The following TP53AIP1 variants were observed in gnomAD, a reference collection of about 807,000 sequenced individuals.
TP53AIP1 encodes p53-regulated apoptosis-inducing protein 1.
Under a neutral mutation model 9.5 loss-of-function variants are expected in TP53AIP1, and 14 were observed. That is an observed-to-expected ratio of 1.47 (90% CI 0.97 to 2.30). TP53AIP1 has a LOEUF of 2.30. TP53AIP1 is among the 30% of genes most tolerant of loss of function. The pLI is 0.00. For synonymous variants in TP53AIP1, 73 were observed against 61.2 expected, an observed-to-expected ratio of 1.19 and a Z score of -0.90; for missense variants, 153 against 146.7, an observed-to-expected ratio of 1.04 and a Z score of -0.22.
At chr11:128,942,351 G>A (rs988130911) in intron 1 of TP53AIP1, among the ~76,000 whole-genome samples, 2 of 152,202 alleles carry the variant, frequency 1.3e-5, no homozygotes, top group Admixed American at 6.5e-5. Flanking sequence ...GTTCACCAGG[G>A]GACGTGAGAA....
At chr11:128,938,825 A>G (rs1944887453) in intron 1 of TP53AIP1, among the ~76,000 whole-genome samples, 1 of 152,166 alleles carries the variant, frequency 6.6e-6, no homozygotes, top group Admixed American at 6.5e-5. Context: ...AGGCACTGAG[A>G]AAAAAGAATA....
Position 128,936,568 on chromosome 11 carries a change from A to G in TP53AIP1, c.223T>C (p.Trp75Arg), listed in dbSNP as rs1277339972. 6.3e-7 allele frequency: 1 copy of G among 1,584,386 alleles called. No individual in the cohort carries two copies. The highest frequency in any genetic ancestry group is 8.5e-7 in the Non-Finnish European group (1 of 1,173,364). The part of the protein sequence containing the change: ...IEALSVSSGS[W>R]SSATVWILTG... ...AGGATCCAGACAGTTGCTGAGGACC[A>G]AGATCCAGACGAGACTGACAGAGCT... Residue 75 changes from tryptophan to arginine, a missense_variant, in exon 3 of 4, where the codon TGG becomes CGG. Transcript: ENST00000531399.
At chr11:128,935,738 T>C (rs1260254626) in intron 3 of TP53AIP1, 26 bp from the exon 4 acceptor site, 2 of 1,532,516 alleles carry the variant, frequency 1.3e-6, no homozygotes, top group Non-Finnish European at 1.7e-6. Flanking sequence ...GAGAATTTAC[T>C]CTTTGCAAAA....
chr11:128,941,788 A>G (rs750962592), intron 1 of TP53AIP1, among the ~76,000 whole-genome samples: 1 of 152,174 alleles, frequency 6.6e-6, no homozygotes, highest in Non-Finnish European at 1.5e-5. Context: ...GCTGGGACCC[A>G]GTGGAAAGCC....
At chr11:128,935,872 AGAC>A in intron 3 of TP53AIP1, 160 bp from the exon 4 acceptor site, 1 of 1,329,660 alleles carries the variant, frequency 7.5e-7, no homozygotes, top group South Asian at 2.5e-5. Flanking sequence ...CTATCTCCCA[AGAC>A]AGGAAAAAAA....
downstream of TP53AIP1, chr11:128,934,979 G>A (rs1944781489): frequency 1.4e-6 from 1 of 702,796 alleles, no homozygotes; most frequent in Non-Finnish European, 2.6e-6. Flanking sequence ...TTGCCCTGGG[G>A]CTTTCAACTC....
chr11:128,936,357 T>C, intron 3 of TP53AIP1, 181 bp downstream of exon 3: 1 of 1,392,790 alleles, frequency 7.2e-7, no homozygotes, highest in Non-Finnish European at 9.3e-7. Flanking sequence ...AGAAATTAAA[T>C]AAAATACATC....
intron 1 of TP53AIP1, among the ~76,000 whole-genome samples, chr11:128,940,851 G>A (rs929235475): frequency 2.6e-5 from 4 of 152,214 alleles, no homozygotes; most frequent in Non-Finnish European, 5.9e-5. Context: ...TTCATGTCAG[G>A]GAGGTGCCCC....
At chr11:128,936,672 T>C in intron 2 of TP53AIP1, 23 bp from the exon 3 acceptor site, 3 of 1,560,392 alleles carry the variant, frequency 1.9e-6, no homozygotes, top group Non-Finnish European at 2.6e-6. Context: ...GGAAGCAGAC[T>C]GTGAGGCCCT....
intron 1 of TP53AIP1, among the ~76,000 whole-genome samples, chr11:128,941,876 G>A (rs886287797): frequency 3.3e-5 from 5 of 152,208 alleles, no homozygotes; most frequent in Admixed American, 2.0e-4. Context: ...GCTGTGCTGC[G>A]GAAGCAGATC....
intron 3 of TP53AIP1, chr11:128,936,276 T>C (rs1944821571): frequency 1.7e-6 from 2 of 1,211,254 alleles, no homozygotes; most frequent in Non-Finnish European, 2.1e-6. Flanking sequence ...TTCCAGAAAG[T>C]TCAGTGGGTG....
intron 3 of TP53AIP1, 56 bp from the exon 4 acceptor site, chr11:128,935,768 T>C: frequency 6.8e-7 from 1 of 1,468,864 alleles, no homozygotes; most frequent in Non-Finnish European, 9.0e-7. Context: ...TCCTTGTTAT[T>C]TACCAAATAT....
intron 2 of TP53AIP1, 98 bp from the exon 3 acceptor site, chr11:128,936,747 C>T: frequency 6.8e-7 from 1 of 1,461,038 alleles, no homozygotes; most frequent in East Asian, 2.5e-5. Context: ...TTCATGGCAT[C>T]CAGGGGCATT....
chr11:128,935,606 C>T lies in TP53AIP1; in HGVS notation c.360G>A (p.Pro120=), dbSNP rs1394010424. Residue 120 remains proline (P), a synonymous_variant, in exon 4 of 4, where the codon CCG becomes CCA. Coordinates refer to ENST00000531399, the MANE Select transcript of TP53AIP1 (RefSeq NM_022112.3). ...TGATCTCGGCTCACTGCAACCTCAA[C>T]GGTGCTTTTTTCTGATCATAGCTGA... ...FELSYDQKKA[P]LRLQ is the part of the protein sequence containing the mutation. 11 of 1,575,914 alleles carry T rather than the reference C, an allele frequency of 7.0e-6. No individual in the cohort carries two copies. Among genetic ancestry groups the T allele is most frequent in the African/African-American group, 6.7e-5 (5 of 74,510 alleles).
In TP53AIP1 at chr11:128,939,500, G is replaced by C. The variant is rs1272335653; in HGVS notation, c.-76-1606C>G. On this transcript the variant is annotated intron_variant, in intron 1 of 3. Coordinates refer to ENST00000531399, the MANE Select transcript of TP53AIP1 (RefSeq NM_022112.3). The surrounding 1 kb of genome is among the most constrained non-coding windows in gnomAD (Gnocchi z 4.1). ...TCCGTCTTCCAGCCACTGAAAACAG[G>C]ATTCTCCAGAGTTCACACCTATGCA... Among the ~76,000 whole-genome samples the C allele has an allele frequency of 3.9e-5, 6 of 152,224 alleles. No individual in the cohort carries two copies. The highest frequency in any genetic ancestry group is 1.4e-4 in the African/African-American group (6 of 41,458).
intron 1 of TP53AIP1, among the ~76,000 whole-genome samples, chr11:128,940,983 G>C (rs1944929033): frequency 6.6e-6 from 1 of 152,130 alleles, no homozygotes; most frequent in Non-Finnish European, 1.5e-5. Context: ...GGAGTAGTCT[G>C]AAGGACTTGA....
chr11:128,941,383 T>A (rs1187108357), intron 1 of TP53AIP1, among the ~76,000 whole-genome samples: 2 of 152,170 alleles, frequency 1.3e-5, no homozygotes, highest in African/African-American at 4.8e-5. Context: ...GGTGGATCCC[T>A]CCCTCTGGGC....
intron 1 of TP53AIP1, among the ~76,000 whole-genome samples, chr11:128,940,176 C>T (rs1258125540): frequency 6.6e-6 from 1 of 152,210 alleles, no homozygotes; most frequent in Non-Finnish European, 1.5e-5. Flanking sequence ...GCACAGGAAC[C>T]CACTCCTTAG....
chr11:128,941,297 T>A (rs1944937677), intron 1 of TP53AIP1, among the ~76,000 whole-genome samples: 1 of 152,136 alleles, frequency 6.6e-6, no homozygotes, highest in South Asian at 2.1e-4. Flanking sequence ...CTCCCTCCCC[T>A]GGCCAGTGTC....
Sources: gnomAD v4.1 joint callset for allele counts (sites outside exome capture counted in the v4.1 genomes callset) on GRCh38, gnomAD v4.1.1 for gene constraint, Gnocchi (gnomAD v3.1) non-coding constraint, MANE v1.5 for transcripts, NCBI Gene and HGNC (gene_info 2026-07-23, HGNC 2026-07-21) for gene names.